Variants in SEMA6D observed in about 807,000 individuals in gnomAD.
SEMA6D encodes the protein semaphorin-6D.
SEMA6D carries 35 observed loss-of-function variants against 106.6 expected under a neutral mutation model. The ratio of observed to expected loss-of-function variants is 0.33; its 90% CI spans 0.25 to 0.44. The LOEUF is 0.44. SEMA6D is among the 20% of genes least tolerant of loss of function. The pLI is 1.00. For synonymous variants in SEMA6D, 499 were observed against 487.7 expected (o/e 1.02, Z -0.31); for missense variants, 1,185 against 1,345.9 (o/e 0.88, Z 1.87).
intron 1 of SEMA6D, among the ~76,000 whole-genome samples, chr15:47,216,671 C>T (rs2030644256): frequency 6.6e-6 from 1 of 151,762 alleles, no homozygotes; most frequent in Non-Finnish European, 1.5e-5. Flanking sequence ...AAGAAAAAAC[C>T]TAATACATCA....
At chr15:47,331,698 C>T (rs1451940892) in intron 1 of SEMA6D, among the ~76,000 whole-genome samples, 1 of 152,086 alleles carries the variant, frequency 6.6e-6, no homozygotes, top group East Asian at 1.9e-4. Flanking sequence ...TTATACTTTT[C>T]TACATTGTCA....
At chr15:47,459,990 C>T (rs1389678920) in intron 2 of SEMA6D, among the ~76,000 whole-genome samples, 3 of 151,894 alleles carry the variant, frequency 2.0e-5, no homozygotes, top group African/African-American at 4.8e-5. Flanking sequence ...TTTAGATCCC[C>T]GTATTCAAAT....
intron 3 of SEMA6D, among the ~76,000 whole-genome samples, chr15:47,535,110 CAAAA>C (rs201633966): frequency 6.8e-6 from 1 of 146,204 alleles, no homozygotes; most frequent in East Asian, 2.0e-4. Context: ...CAAAAAAACA[CAAAA>C]AAACACAAAA....
At chr15:47,348,652 C>T (rs1454106090) in intron 1 of SEMA6D, among the ~76,000 whole-genome samples, 1 of 147,106 alleles carries the variant, frequency 6.8e-6, no homozygotes, top group African/African-American at 2.5e-5. Flanking sequence ...TGAAACCAGG[C>T]CACCTTGACT....
intron 3 of SEMA6D, among the ~76,000 whole-genome samples, chr15:47,521,012 A>C (rs1293109644): frequency 6.6e-6 from 1 of 152,212 alleles, no homozygotes. Flanking sequence ...GGGTGAGTAG[A>C]AAGTTGCCTT....
chr15:47,570,324 G>A (rs868814263), intron 3 of SEMA6D, among the ~76,000 whole-genome samples: 47 of 152,168 alleles, frequency 3.1e-4, no homozygotes, highest in Middle Eastern at 6.8e-3. Context: ...TAGGTGGCCC[G>A]CGGCCATTAC....
intron 4 of SEMA6D, among the ~76,000 whole-genome samples, chr15:47,704,102 C>T (rs1255285904): frequency 6.6e-6 from 1 of 152,110 alleles, no homozygotes; most frequent in East Asian, 1.9e-4. Flanking sequence ...GAAATAAGCT[C>T]TTCTATGGCT....
chr15:47,318,033 T>TTTTC (rs1221598545), intron 1 of SEMA6D, among the ~76,000 whole-genome samples: 1 of 149,642 alleles, frequency 6.7e-6, no homozygotes, highest in Non-Finnish European at 1.5e-5. Context: ...TCTTTTTTTT[T>TTTTC]TTTTTTTTAG....
At chr15:47,717,794 TGCGCGCG>T (rs2079173528) in intron 1 of SEMA6D, 102 bp downstream of exon 1, 2 of 132,910 alleles carry the variant, frequency 1.5e-5, no homozygotes, top group African/African-American at 7.5e-5. Context: ...TGTGTGTGTG[TGCGCGCG>T]GTGGGGGTCG....
At chr15:47,207,170 TAC>T (rs919100965) in intron 1 of SEMA6D, among the ~76,000 whole-genome samples, 2 of 152,160 alleles carry the variant, frequency 1.3e-5, no homozygotes, top group African/African-American at 4.8e-5. Context: ...TTAAAAAGAA[TAC>T]AGTCACTTGA....
chr15:47,680,596 A>G (rs1056702305), intron 4 of SEMA6D, among the ~76,000 whole-genome samples: 1 of 152,224 alleles, frequency 6.6e-6, no homozygotes, highest in Non-Finnish European at 1.5e-5. Context: ...TCAGGTCATT[A>G]TTGACAACAT....
intron 4 of SEMA6D, among the ~76,000 whole-genome samples, chr15:47,624,084 T>C (rs1391784274): frequency 6.6e-6 from 1 of 152,144 alleles, no homozygotes; most frequent in African/African-American, 2.4e-5. Context: ...AGAACTGCCG[T>C]CCGTACCCAG....
At chr15:47,392,662 A>G (rs1234684423) in intron 1 of SEMA6D, among the ~76,000 whole-genome samples, 1 of 152,202 alleles carries the variant, frequency 6.6e-6, no homozygotes, top group Non-Finnish European at 1.5e-5. Flanking sequence ...TTTCTGGGCT[A>G]AAATTCTGAC....
At chr15:47,570,498 A>C (rs1485022724) in intron 3 of SEMA6D, among the ~76,000 whole-genome samples, 1 of 152,246 alleles carries the variant, frequency 6.6e-6, no homozygotes, top group Non-Finnish European at 1.5e-5. Context: ...TTTTTAATAT[A>C]TCTTTGACTG....
At chr15:47,420,918 G>A (rs913677128) in intron 2 of SEMA6D, among the ~76,000 whole-genome samples, 9 of 152,004 alleles carry the variant, frequency 5.9e-5, no homozygotes, top group Non-Finnish European at 1.3e-4. Context: ...ATAGAATTAC[G>A]ATCACAATTA....
intron 1 of SEMA6D, among the ~76,000 whole-genome samples, chr15:47,243,909 A>G (rs1332846794): frequency 6.6e-6 from 1 of 152,182 alleles, no homozygotes; most frequent in Non-Finnish European, 1.5e-5. Context: ...TGCTATGGAT[A>G]TAGCAATGGA....
rs149626356 is a variant in SEMA6D, at chr15:47,750,787, C to A, written c.-54-8958C>A. On this transcript the variant is annotated intron_variant, in intron 1 of 18. Transcript: ENST00000536845. Reference sequence around the variant, plus strand: ...AGGAGGAAGGGTCTCAGAGTTGGGGCCTTTCAGCAATCTCCTCATGGCCCA... The same window carrying A: ...AGGAGGAAGGGTCTCAGAGTTGGGGACTTTCAGCAATCTCCTCATGGCCCA... Among the ~76,000 whole-genome samples the A allele has an allele frequency of 1.1e-4, 16 of 152,306 alleles. No individual in the cohort carries two copies. In the East Asian group the frequency reaches 3.1e-3, roughly 29 times the overall value.
At chr15:47,462,294 C>T (rs908378284) in intron 2 of SEMA6D, among the ~76,000 whole-genome samples, 6 of 152,040 alleles carry the variant, frequency 3.9e-5, no homozygotes, top group Non-Finnish European at 1.5e-5. Flanking sequence ...ATTTTTAATG[C>T]AGGGATGATG....
At chr15:47,641,571 A>T (rs1015920743) in intron 4 of SEMA6D, among the ~76,000 whole-genome samples, 19 of 152,196 alleles carry the variant, frequency 1.2e-4, no homozygotes, top group African/African-American at 4.1e-4. Flanking sequence ...CAAAGGATCC[A>T]GAAGTTTGGG....
Sources: allele counts gnomAD v4.1 joint callset (sites outside exome capture counted in the v4.1 genomes callset), GRCh38; gene constraint gnomAD v4.1.1; transcripts MANE v1.5; gene names NCBI Gene and HGNC (gene_info 2026-07-23, HGNC 2026-07-21).